CNTNAP2: variants seen among roughly 807,000 people sequenced by gnomAD.
The protein encoded by CNTNAP2 is contactin-associated protein-like 2.
In CNTNAP2, 98 loss-of-function variants were observed where a neutral mutation model predicts 155.2. That is an observed-to-expected ratio of 0.63 (90% confidence interval 0.54 to 0.75). CNTNAP2 has a LOEUF of 0.75. CNTNAP2 is among the 30% of genes least tolerant of loss of function. CNTNAP2 has a pLI of 0.00. For missense variants in CNTNAP2, 1,727 were observed against 1,688.1 expected (o/e 1.02, Z -0.40); for synonymous variants, 651 against 631.2 (o/e 1.03, Z -0.47).
In CNTNAP2 at chr7:146,409,560, G is replaced by A. The variant is rs545394526; in HGVS notation, c.97+292587G>A. Among the ~76,000 whole-genome samples, 273 of 152,164 alleles carry A rather than the reference G, an allele frequency of 1.8e-3. 1 individual carries two copies. The highest frequency in any genetic ancestry group is 6.5e-3 in the African/African-American group (268 of 41,534). ...CTTTAAATATCAGATATGTCAATAT[G>A]ATAAATAAATGATATCTAAAACATC... On this transcript the variant is annotated intron_variant, in intron 1 of 23. Coordinates refer to ENST00000361727, the MANE Select transcript of CNTNAP2 (RefSeq NM_014141.6).
At chr7:146,720,188 A>G (rs532983696) in intron 1 of CNTNAP2, among the ~76,000 whole-genome samples, 2 of 152,158 alleles carry the variant, frequency 1.3e-5, no homozygotes, top group African/African-American at 2.4e-5. Context: ...ACAAAGGACT[A>G]TGCCTCTGGT....
chr7:148,066,023 ATCTT>A (rs1803252212), intron 15 of CNTNAP2, among the ~76,000 whole-genome samples: 1 of 152,158 alleles, frequency 6.6e-6, no homozygotes, highest in South Asian at 2.1e-4. Context: ...GTAAAAGACC[ATCTT>A]TCTTTCATTT....
intron 21 of CNTNAP2, among the ~76,000 whole-genome samples, chr7:148,296,054 C>T (rs551705699): frequency 5.7e-4 from 86 of 152,192 alleles, no homozygotes; most frequent in African/African-American, 2.0e-3. Flanking sequence ...TGTTTAAAAG[C>T]CAGACTTTAT....
At chr7:148,248,570 T>G (rs1261762436) in intron 20 of CNTNAP2, among the ~76,000 whole-genome samples, 1 of 152,180 alleles carries the variant, frequency 6.6e-6, no homozygotes, top group Non-Finnish European at 1.5e-5. Flanking sequence ...TCCTTCTTCT[T>G]GTCGTGTGTA....
chr7:146,749,328 A>G (rs556094832), intron 1 of CNTNAP2, among the ~76,000 whole-genome samples: 1 of 152,206 alleles, frequency 6.6e-6, no homozygotes, highest in African/African-American at 2.4e-5. Context: ...TTTGCTAGTG[A>G]ACGTAAAGAA....
intron 12 of CNTNAP2, among the ~76,000 whole-genome samples, chr7:147,599,617 G>A (rs1246672556): frequency 6.6e-6 from 1 of 152,008 alleles, no homozygotes; most frequent in African/African-American, 2.4e-5. Flanking sequence ...AAGTTTCTGG[G>A]GAAAAAAATC....
chr7:147,605,508 A>C (rs1801042892), intron 12 of CNTNAP2, among the ~76,000 whole-genome samples: 1 of 152,152 alleles, frequency 6.6e-6, no homozygotes, highest in South Asian at 2.1e-4. Flanking sequence ...ATGCAGATAA[A>C]GTCTCTCTGG....
intron 10 of CNTNAP2, among the ~76,000 whole-genome samples, chr7:147,483,552 C>G (rs1431516862): frequency 6.6e-6 from 1 of 152,156 alleles, no homozygotes; most frequent in Non-Finnish European, 1.5e-5. Context: ...TTTTCCTCTG[C>G]TACTTAGTAC....
chr7:147,694,805 C>T (rs1796139149), intron 13 of CNTNAP2, among the ~76,000 whole-genome samples: 1 of 152,026 alleles, frequency 6.6e-6, no homozygotes, highest in Admixed American at 6.6e-5. Flanking sequence ...TGATTTTCTC[C>T]ATCAATTTCC....
intron 10 of CNTNAP2, among the ~76,000 whole-genome samples, chr7:147,478,649 GA>G (rs1798365155): frequency 6.6e-6 from 1 of 152,082 alleles, no homozygotes; most frequent in African/African-American, 2.4e-5. Context: ...AGAAGATTGG[GA>G]AGGACAAAAA....
rs558282492 is a variant in CNTNAP2, at chr7:146,283,493, G to T, written c.97+166520G>T. 4.8e-4 allele frequency among the ~76,000 whole-genome samples: 73 copies of T among 152,176 alleles called. No homozygotes were observed. The South Asian group carries it at 9.3e-3, about 19-fold the overall frequency. On this transcript the variant is annotated intron_variant, in intron 1 of 23. Transcript: ENST00000361727. ...AATCATCTTCCCACCTCAGCCTCCC[G>T]AGTAGCAGGGACCACAGGTGTGAGC...
intron 13 of CNTNAP2, among the ~76,000 whole-genome samples, chr7:147,823,957 C>G (rs992624110): frequency 1.3e-5 from 2 of 152,024 alleles, no homozygotes; most frequent in African/African-American, 4.8e-5. Flanking sequence ...TTACTGTCTC[C>G]CTGGCATGAC....
At chr7:148,414,401 A>C (rs202032984) in intron 23 of CNTNAP2, among the ~76,000 whole-genome samples, 2 of 145,636 alleles carry the variant, frequency 1.4e-5, no homozygotes, top group East Asian at 3.9e-4. Flanking sequence ...TTTCACCTCT[A>C]CAAGTTCCAC....
At chr7:147,318,884 C>T in intron 9 of CNTNAP2, among the ~76,000 whole-genome samples, 1 of 151,872 alleles carries the variant, frequency 6.6e-6, no homozygotes, top group East Asian at 1.9e-4. Context: ...AAAATGTTTA[C>T]TTTAGAAAAG....
chr7:146,822,805 A>G (rs551756786), intron 2 of CNTNAP2, among the ~76,000 whole-genome samples: 28 of 149,116 alleles, frequency 1.9e-4, no homozygotes, highest in African/African-American at 3.9e-4. Flanking sequence ...AAATATAAAT[A>G]TACTCATTCT....
In CNTNAP2 at chr7:147,108,115, G is replaced by A. The variant is rs1800802617; in HGVS notation, c.551-32G>A. On this transcript the variant is annotated intron_variant, in intron 4 of 23. Transcript: ENST00000361727. The stretch of plus-strand genomic sequence containing the variant: ...GAAGTGGATGGTAACATACATGGCT[G>A]AACTAATATGTTATTTTTTTTTTTG... 3.2e-6 allele frequency: 5 copies of A among 1,573,824 alleles called. No individual in the cohort carries two copies. The South Asian group carries it at 5.6e-5, about 18-fold the overall frequency.
chr7:146,655,413 CAA>C (rs66710703), intron 1 of CNTNAP2, among the ~76,000 whole-genome samples: 379 of 74,272 alleles, frequency 5.1e-3, no homozygotes, highest in Middle Eastern at 0.01. Flanking sequence ...GACTCTGTCT[CAA>C]AAAAAAAAAA....
chr7:147,652,906 G>A (rs1795469451), intron 13 of CNTNAP2, among the ~76,000 whole-genome samples: 1 of 152,050 alleles, frequency 6.6e-6, no homozygotes. Context: ...TAAGTAGTAG[G>A]CCAAAAGAGA....
chr7:146,301,200 C>T (rs540205843), intron 1 of CNTNAP2, among the ~76,000 whole-genome samples: 1 of 152,108 alleles, frequency 6.6e-6, no homozygotes, highest in African/African-American at 2.4e-5. Context: ...TTTCCAAAAC[C>T]AATTGGAGCC....
Sources: allele counts gnomAD v4.1 joint callset (sites outside exome capture counted in the v4.1 genomes callset), GRCh38; gene constraint gnomAD v4.1.1; transcripts MANE v1.5; gene names NCBI Gene and HGNC (gene_info 2026-07-23, HGNC 2026-07-21).